The following PCDHGA2 variants were observed in gnomAD, a reference collection of about 807,000 sequenced individuals.
PCDHGA2 encodes protocadherin gamma subfamily A, 2, also known as protocadherin gamma-A2.
Under a neutral mutation model 59.2 loss-of-function variants are expected in PCDHGA2, and 40 were observed. The observed-to-expected ratio is 0.68, with a 90% CI of 0.52 to 0.88. The LOEUF (loss-of-function observed/expected upper bound fraction) is 0.88, where lower values mean the gene tolerates loss of function less well. Among genes scored for constraint, PCDHGA2 ranks in the 40% least tolerant of loss-of-function variants. PCDHGA2 has a pLI of 0.00. For missense variants in PCDHGA2, 1,226 were observed against 1,204.0 expected, an observed-to-expected ratio of 1.02 and a Z score of -0.27; for synonymous variants, 560 against 526.0, an observed-to-expected ratio of 1.06 and a Z score of -0.89.
At chr5:141,358,140 A>G (rs1292442005) in intron 1 of PCDHGA2, among the ~76,000 whole-genome samples, 1 of 152,232 alleles carries the variant, frequency 6.6e-6, no homozygotes. Flanking sequence ...CAATGAGCTG[A>G]GATCATGACA....
chr5:141,408,527 G>T lies in PCDHGA2; in HGVS notation c.2424+67132G>T, dbSNP rs1239443007. ...AAGATGTGAGTTGCAATTGGAAGCT[G>T]TGGTGGAAAATCCTTTAAATATTTT... On this transcript the variant is annotated intron_variant, in intron 1 of 3. Coordinates refer to ENST00000394576, the MANE Select transcript of PCDHGA2 (RefSeq NM_018915.4). 2.5e-6 allele frequency: 4 copies of T among 1,613,954 alleles called. No homozygotes were observed. The African/African-American group carries it at 5.3e-5, about 22-fold the overall frequency.
At chr5:141,394,326 A>G in intron 1 of PCDHGA2, 1 of 1,613,902 alleles carries the variant, frequency 6.2e-7, no homozygotes, top group Non-Finnish European at 8.5e-7. Flanking sequence ...GTCCTCGTAT[A>G]TCTCCATCAA....
rs534304763 is a variant in PCDHGA2 at position 141,394,533 on chromosome 5, G to T, written c.2424+53138G>T. 2 of 1,614,092 alleles carry T rather than the reference G, an allele frequency of 1.2e-6. No individual in the cohort carries two copies. The highest frequency in any genetic ancestry group is 3.3e-5 in the Admixed American group (2 of 60,014). On this transcript the variant is annotated intron_variant, in intron 1 of 3. Transcript: ENST00000394576. Reference sequence around the variant, plus strand: ...CGCCCTCCCCACAGACGGTTCCACTGGCGTGGAGCTGGCGCCCCGCTCCGC... The same window carrying T: ...CGCCCTCCCCACAGACGGTTCCACTTGCGTGGAGCTGGCGCCCCGCTCCGC...
At chr5:141,405,240 C>G (rs2094630274) in intron 1 of PCDHGA2, 4 of 1,614,136 alleles carry the variant, frequency 2.5e-6, no homozygotes, top group African/African-American at 2.7e-5. Context: ...ACCGCTGACT[C>G]AAGGAAGAGT....
chr5:141,395,136 T>A, intron 1 of PCDHGA2: 1 of 1,614,202 alleles, frequency 6.2e-7, no homozygotes, highest in Non-Finnish European at 8.5e-7. Context: ...CCAGCCCAAC[T>A]ACGCAGACAT....
chr5:141,393,376 G>C (rs749009041), intron 1 of PCDHGA2: 2 of 1,613,842 alleles, frequency 1.2e-6, no homozygotes, highest in African/African-American at 2.7e-5. Flanking sequence ...GGAGACAATG[G>C]AGCCATAAAC....
chr5:141,341,284 C>G lies in PCDHGA2; in HGVS notation c.2313C>G (p.Pro771=), dbSNP rs746244855. 6.2e-7 allele frequency: 1 copy of G among 1,614,236 alleles called. No individual in the cohort carries two copies. Among genetic ancestry groups the G allele is most frequent in the South Asian group, 1.1e-5 (1 of 91,088 alleles). Reference sequence around the variant, plus strand: ...CGCGGAAGAGCCACCTGATTTTCCCCCAGCCCAACTATGCGGACACGCTCA... The same window carrying G: ...CGCGGAAGAGCCACCTGATTTTCCCGCAGCCCAACTATGCGGACACGCTCA... ...ADSRKSHLIF[P]QPNYADTLIS... The change falls in exon 1 of 4, where the codon CCC becomes CCG. Residue 771 remains proline, a synonymous_variant. Coordinates refer to ENST00000394576, the MANE Select transcript of PCDHGA2 (RefSeq NM_018915.4).
intron 1 of PCDHGA2, among the ~76,000 whole-genome samples, chr5:141,347,835 C>T (rs1758027401): frequency 6.6e-6 from 1 of 151,100 alleles, no homozygotes; most frequent in Non-Finnish European, 1.5e-5. Context: ...ACCTATAGTG[C>T]CTGTTACATA....
intron 1 of PCDHGA2, chr5:141,376,465 T>A: frequency 1.9e-6 from 3 of 1,614,178 alleles, no homozygotes; most frequent in East Asian, 2.2e-5. Flanking sequence ...TTCTGATAAC[T>A]CAGGATTTAC....
intron 1 of PCDHGA2, chr5:141,355,836 C>T (rs1343860462): frequency 6.2e-7 from 1 of 1,612,432 alleles, no homozygotes; most frequent in East Asian, 2.2e-5. Flanking sequence ...ACCTCGTTCT[C>T]ACGGCCTTCG....
At chr5:141,355,379 C>A (rs771278815) in intron 1 of PCDHGA2, 5 of 1,613,900 alleles carry the variant, frequency 3.1e-6, no homozygotes, top group Non-Finnish European at 3.4e-6. Flanking sequence ...CGGGAGCTGG[C>A]GGAGCGCGGA....
In PCDHGA2 at chr5:141,408,560, A is replaced by G. The variant is rs368143982; in HGVS notation, c.2424+67165A>G. The G allele has an allele frequency of 6.3e-5, 102 of 1,613,910 alleles. No homozygotes were observed. Among genetic ancestry groups the G allele is most frequent in the Non-Finnish European group, 8.4e-5 (99 of 1,179,898 alleles). On this transcript the variant is annotated intron_variant, in intron 1 of 3. Coordinates refer to ENST00000394576, the MANE Select transcript of PCDHGA2 (RefSeq NM_018915.4). ...AAATCCTTTAAATATTTTTCATGTC[A>G]TTGTGGTGATTGAGGATGTTAATGA... is the stretch of plus-strand genomic sequence containing the variant.
intron 1 of PCDHGA2, among the ~76,000 whole-genome samples, chr5:141,459,561 C>T (rs912894386): frequency 2.6e-5 from 4 of 151,954 alleles, no homozygotes; most frequent in African/African-American, 7.3e-5. Context: ...GGATAAATAC[C>T]CCAAAACAGA....
chr5:141,427,973 C>T (rs754410723), intron 1 of PCDHGA2: 3 of 1,594,054 alleles, frequency 1.9e-6, no homozygotes, highest in Non-Finnish European at 2.6e-6. Context: ...TGCTGTACCC[C>T]GCGCTGGGGC....
chr5:141,419,886 G>A lies in PCDHGA2; in HGVS notation c.2425-74921G>A, dbSNP rs1195529127. ...TTGCAAGAGGTACTGCCGGATTTCA[G>A]CGACCATCCCACACCCTCTGACTCC... On this transcript the variant is annotated intron_variant, in intron 1 of 3. Transcript: ENST00000394576. 1.9e-6 allele frequency: 3 copies of A among 1,614,076 alleles called. No individual in the cohort carries two copies. In the East Asian group the frequency reaches 6.7e-5, roughly 36 times the overall value.
chr5:141,407,868 A>AAT (rs1474357780), intron 1 of PCDHGA2, among the ~76,000 whole-genome samples: 1 of 152,242 alleles, frequency 6.6e-6, no homozygotes, highest in Admixed American at 6.5e-5. Context: ...ATTTTCGAAG[A>AAT]ATATATACAT....
In PCDHGA2 at chr5:141,339,468, C is replaced by T. The variant is rs1355974658; in HGVS notation, c.497C>T (p.Ala166Val). ...CATGATGCAGACGTAGGTGAGAACG[C>T]CCTTCAGAAGTACGCACTCAACCCA... ...NAHDADVGEN[A>V]LQKYALNPND... Residue 166 changes from alanine to valine, a missense_variant, in exon 1 of 4, where the codon GCC becomes GTC. By Grantham distance (64) the Ala-to-Val change is moderately conservative. Transcript: ENST00000394576. The T allele has an allele frequency of 6.2e-7, 1 of 1,614,212 alleles. No individual in the cohort carries two copies. The highest frequency in any genetic ancestry group is 1.7e-5 in the Admixed American group (1 of 60,028).
chr5:141,423,708 T>A (rs1384948123), intron 1 of PCDHGA2: 23 of 1,349,902 alleles, frequency 1.7e-5, no homozygotes, highest in Non-Finnish European at 2.2e-5. Flanking sequence ...TTGGCACAAG[T>A]CTTTTAAGGA....
At chr5:141,356,209 G>A in intron 1 of PCDHGA2, 1 of 1,605,328 alleles carries the variant, frequency 6.2e-7, no homozygotes, top group Non-Finnish European at 8.5e-7. Flanking sequence ...ACTGGTGACA[G>A]TTCTGGATGA....
Sources: gnomAD v4.1 joint callset for allele counts (sites outside exome capture counted in the v4.1 genomes callset) on GRCh38, gnomAD v4.1.1 for gene constraint, MANE v1.5 for transcripts, NCBI Gene and HGNC (gene_info 2026-07-23, HGNC 2026-07-21) for gene names.